Variants in BTBD9 observed in about 807,000 individuals in gnomAD.
BTBD9 encodes the protein BTB/POZ domain-containing protein 9.
BTBD9 carries 49 observed loss-of-function variants against 64.3 expected under a neutral mutation model. The ratio of observed to expected loss-of-function variants is 0.76; its 90% CI spans 0.61 to 0.97. BTBD9 has a LOEUF of 0.97. Ranked by LOEUF, BTBD9 falls within the 50% of genes least tolerant of loss-of-function variation. The pLI is 0.00. For missense variants in BTBD9, 598 were observed against 762.1 expected, an observed-to-expected ratio of 0.78 and a Z score of 2.53; for synonymous variants, 260 against 274.7, an observed-to-expected ratio of 0.95 and a Z score of 0.53.
At chr6:38,436,372 A>ATTTTTTTTTT (rs10647439) in intron 6 of BTBD9, among the ~76,000 whole-genome samples, 4 of 118,324 alleles carry the variant, frequency 3.4e-5, no homozygotes, top group Non-Finnish European at 6.7e-5. Flanking sequence ...CCCCAATTCT[A>ATTTTTTTTTT]TTTTTTTTTT....
At chr6:38,437,070 T>A (rs1396004810) in intron 6 of BTBD9, among the ~76,000 whole-genome samples, 3 of 152,214 alleles carry the variant, frequency 2.0e-5, no homozygotes, top group African/African-American at 7.2e-5. Flanking sequence ...TTGGTGATAA[T>A]GCATATTAAG....
rs551825302 is a variant in BTBD9, at chr6:38,551,695, T to C, written c.1154+25905A>G. On this transcript the variant is annotated intron_variant, in intron 6 of 10. Coordinates refer to ENST00000481247, the MANE Select transcript of BTBD9 (RefSeq NM_001099272.2). The stretch of plus-strand genomic sequence containing the variant: ...CTGCACCCTGAACCAATACACTATA[T>C]TGCCTCTGTGCTATGGATCTTGGGT... 2.0e-5 allele frequency among the ~76,000 whole-genome samples: 3 copies of C among 152,314 alleles called. No homozygotes were observed. The South Asian group carries it at 6.2e-4, about 32-fold the overall frequency.
chr6:38,365,427 G>C (rs1279263010), intron 6 of BTBD9, among the ~76,000 whole-genome samples: 1 of 152,110 alleles, frequency 6.6e-6, no homozygotes, highest in Non-Finnish European at 1.5e-5. Flanking sequence ...ATACCAGCAA[G>C]AGTAACAGGC....
chr6:38,619,114 G>A (rs1271548772), intron 1 of BTBD9, among the ~76,000 whole-genome samples: 1 of 152,168 alleles, frequency 6.6e-6, no homozygotes, highest in Non-Finnish European at 1.5e-5. Context: ...GTGGCTATGG[G>A]AGGACTTAAG....
In BTBD9 at chr6:38,174,778, G is replaced by C. The variant is rs796290830; in HGVS notation, c.*207C>G. 3 of 602,662 alleles carry C rather than the reference G, an allele frequency of 5.0e-6. No homozygotes were observed. The highest frequency in any genetic ancestry group is 2.2e-5 in the South Asian group (1 of 45,096). The allele number at this position is 602,662 out of a possible 1,614,324, so 37.3% of individuals were successfully genotyped here. On this transcript the variant is annotated 3_prime_UTR_variant, in exon 11 of 11. Coordinates refer to ENST00000481247, the MANE Select transcript of BTBD9 (RefSeq NM_001099272.2). ...ACCCATTTTCTCCCCCTTGAGACCT[G>C]CCTGATTTGGATAAATTGAGAAGAA...
At chr6:38,274,344 C>G (rs892686799) in intron 8 of BTBD9, among the ~76,000 whole-genome samples, 1 of 152,260 alleles carries the variant, frequency 6.6e-6, no homozygotes, top group Non-Finnish European at 1.5e-5. Context: ...ATTTGACTTC[C>G]TCTTTTCCTA....
At chr6:38,462,059 GTTCT>G (rs1336286286) in intron 6 of BTBD9, among the ~76,000 whole-genome samples, 1 of 152,042 alleles carries the variant, frequency 6.6e-6, no homozygotes, top group Non-Finnish European at 1.5e-5. Context: ...TTCTTCATAT[GTTCT>G]TTATTAGATA....
At chr6:38,558,592 T>A (rs1174997160) in intron 6 of BTBD9, among the ~76,000 whole-genome samples, 2 of 152,224 alleles carry the variant, frequency 1.3e-5, no homozygotes, top group Non-Finnish European at 2.9e-5. Flanking sequence ...TTGAGGTTTT[T>A]TATCATGAAG....
chr6:38,602,048 G>A (rs1777263675), intron 1 of BTBD9, among the ~76,000 whole-genome samples: 1 of 152,136 alleles, frequency 6.6e-6, no homozygotes, highest in Non-Finnish European at 1.5e-5. Context: ...TAAGTTGTTT[G>A]GGGATAGAAT....
intron 8 of BTBD9, among the ~76,000 whole-genome samples, chr6:38,274,549 G>A (rs565111480): frequency 2.0e-5 from 3 of 152,246 alleles, no homozygotes; most frequent in East Asian, 1.9e-4. Flanking sequence ...TTTGAGATGC[G>A]TCCCATCGAT....
At chr6:38,224,642 G>A (rs1488058782) in intron 9 of BTBD9, among the ~76,000 whole-genome samples, 1 of 152,188 alleles carries the variant, frequency 6.6e-6, no homozygotes, top group Non-Finnish European at 1.5e-5. Context: ...GAAAAAACTT[G>A]TGTAAGACCA....
chr6:38,457,760 T>C (rs528836419), intron 6 of BTBD9, among the ~76,000 whole-genome samples: 1 of 152,154 alleles, frequency 6.6e-6, no homozygotes, highest in East Asian at 1.9e-4. Context: ...GTAGAGAAAA[T>C]AGGGAGTTCA....
intron 6 of BTBD9, chr6:38,566,202 GATTA>G (rs1001536967): frequency 1.1e-4 from 17 of 152,136 alleles, no homozygotes; most frequent in African/African-American, 4.1e-4. Flanking sequence ...GTTTGTGTAT[GATTA>G]CACATAGAAG....
At chr6:38,369,963 C>T (rs1308981398) in intron 6 of BTBD9, among the ~76,000 whole-genome samples, 2 of 152,222 alleles carry the variant, frequency 1.3e-5, no homozygotes, top group Admixed American at 1.3e-4. Flanking sequence ...GAGGAGACTA[C>T]ACAGGCCTGG....
rs534979474 is a variant in BTBD9 at position 38,292,276 on chromosome 6, TTTG to T, written c.1265-3818_1265-3816del. On this transcript the variant is annotated intron_variant, in intron 7 of 10. Coordinates refer to ENST00000481247, the MANE Select transcript of BTBD9 (RefSeq NM_001099272.2). ...ACCACGCCCGGCTGAAATTTTCTTTTTTGTTGTTGTTGTGTCTCTGCCAGGTTT... is the reference window on the plus strand; with the variant it reads ...ACCACGCCCGGCTGAAATTTTCTTTTTTGTTGTTGTGTCTCTGCCAGGTTT... Among the ~76,000 whole-genome samples, 11 of 152,274 alleles carry T rather than the reference TTTG, an allele frequency of 7.2e-5. No homozygotes were observed. The South Asian group carries it at 2.3e-3, about 32-fold the overall frequency.
At chr6:38,198,212 G>A (rs1348929073) in intron 9 of BTBD9, among the ~76,000 whole-genome samples, 1 of 151,628 alleles carries the variant, frequency 6.6e-6, no homozygotes, top group Non-Finnish European at 1.5e-5. Context: ...CAGGTGGGCA[G>A]GAATTTGCTG....
At chr6:38,508,069 G>C (rs896689710) in intron 6 of BTBD9, among the ~76,000 whole-genome samples, 7 of 152,108 alleles carry the variant, frequency 4.6e-5, no homozygotes, top group African/African-American at 1.7e-4. Flanking sequence ...TCCTGACCTT[G>C]TGATCCACCT....
chr6:38,207,302 T>C, intron 9 of BTBD9: 2 of 259,950 alleles, frequency 7.7e-6, no homozygotes, highest in South Asian at 3.5e-5. Flanking sequence ...ATGTATTAGC[T>C]GAATCCAGAG....
chr6:38,604,720 AT>A, intron 1 of BTBD9, among the ~76,000 whole-genome samples: 1 of 152,206 alleles, frequency 6.6e-6, no homozygotes, highest in Non-Finnish European at 1.5e-5. Context: ...AACTCAGAAA[AT>A]TATCAGTTAT....
Sources: allele counts gnomAD v4.1 joint callset (sites outside exome capture counted in the v4.1 genomes callset), GRCh38; gene constraint gnomAD v4.1.1; transcripts MANE v1.5; gene names NCBI Gene and HGNC (gene_info 2026-07-23, HGNC 2026-07-21).